Variants in ZBTB7C observed in about 807,000 individuals in gnomAD.
ZBTB7C encodes the protein zinc finger and BTB domain containing 7C, also known as zinc finger and BTB domain-containing protein 7C.
A neutral mutation model predicts 25.7 loss-of-function variants in ZBTB7C; 8 were observed. That is an observed-to-expected ratio of 0.31 (90% CI 0.18 to 0.56). ZBTB7C has a LOEUF of 0.56. ZBTB7C is among the 20% of genes least tolerant of loss of function. ZBTB7C has a pLI of 0.91. For synonymous variants in ZBTB7C, 394 were observed against 369.0 expected, an observed-to-expected ratio of 1.07 and a Z score of -0.78; for missense variants, 824 against 855.2, an observed-to-expected ratio of 0.96 and a Z score of 0.46.
At chr18:48,335,072 G>T (rs2046430639) in intron 2 of ZBTB7C, among the ~76,000 whole-genome samples, 1 of 152,336 alleles carries the variant, frequency 6.6e-6, no homozygotes. Flanking sequence ...CACAGGTCTG[G>T]ATAAAGGGGC....
At chr18:48,101,020 C>A (rs2038811420) in intron 3 of ZBTB7C, among the ~76,000 whole-genome samples, 1 of 152,138 alleles carries the variant, frequency 6.6e-6, no homozygotes, top group Non-Finnish European at 1.5e-5. Flanking sequence ...TGTCGCCACA[C>A]TACTGGGCAC....
chr18:48,265,110 T>C (rs948061771), intron 2 of ZBTB7C, among the ~76,000 whole-genome samples: 2 of 152,178 alleles, frequency 1.3e-5, no homozygotes, highest in African/African-American at 2.4e-5. Flanking sequence ...AACCCTATCC[T>C]TGATATCTAA....
At chr18:48,290,679 G>A (rs534759141) in intron 2 of ZBTB7C, among the ~76,000 whole-genome samples, 24 of 152,288 alleles carry the variant, frequency 1.6e-4, no homozygotes, top group Non-Finnish European at 2.2e-4. Flanking sequence ...GCAGGCGCCC[G>A]TCCCCTGGGC....
intron 3 of ZBTB7C, among the ~76,000 whole-genome samples, chr18:48,045,581 T>G (rs1435521114): frequency 6.6e-6 from 1 of 152,206 alleles, no homozygotes; most frequent in Non-Finnish European, 1.5e-5. Context: ...CCTTTGTTCA[T>G]GCTGAACTCT....
intron 3 of ZBTB7C, among the ~76,000 whole-genome samples, chr18:48,155,141 T>C (rs867132078): frequency 6.6e-6 from 1 of 152,096 alleles, no homozygotes; most frequent in Non-Finnish European, 1.5e-5. Flanking sequence ...ATAGGCCCCA[T>C]GTGACATGGG....
intron 3 of ZBTB7C, among the ~76,000 whole-genome samples, chr18:48,174,110 T>G (rs987926366): frequency 2.6e-5 from 4 of 152,258 alleles, no homozygotes; most frequent in Admixed American, 1.3e-4. Context: ...AAAGATTGGA[T>G]AATTTGACTA....
chr18:48,237,753 T>C (rs1029708613), intron 2 of ZBTB7C, among the ~76,000 whole-genome samples: 3 of 152,154 alleles, frequency 2.0e-5, no homozygotes, highest in Non-Finnish European at 4.4e-5. Flanking sequence ...TCTATCAACA[T>C]GTGTGCACAT....
intron 1 of ZBTB7C, among the ~76,000 whole-genome samples, chr18:48,390,289 AC>A (rs5824746): frequency 0.36 from 54,615 of 152,048 alleles, 10,737 homozygotes; most frequent in African/African-American, 0.51. Context: ...ATGGAATCAT[AC>A]CCCCAAAAGT....
chr18:48,132,957 A>C (rs1313060063), intron 3 of ZBTB7C, among the ~76,000 whole-genome samples: 1 of 152,226 alleles, frequency 6.6e-6, no homozygotes, highest in Non-Finnish European at 1.5e-5. Flanking sequence ...GTACATTTGC[A>C]TCTGGTTTGC....
intron 2 of ZBTB7C, among the ~76,000 whole-genome samples, chr18:48,295,213 G>A (rs192033880): frequency 2.2e-4 from 33 of 152,268 alleles, no homozygotes; most frequent in African/African-American, 2.9e-4. Context: ...CGGAGTCTTC[G>A]GTAGGTCCAG....
chr18:48,370,522 G>A (rs2047364104), intron 1 of ZBTB7C, among the ~76,000 whole-genome samples: 1 of 152,082 alleles, frequency 6.6e-6, no homozygotes, highest in Non-Finnish European at 1.5e-5. Flanking sequence ...CAATATCCTG[G>A]GTGTGATATT....
intron 1 of ZBTB7C, among the ~76,000 whole-genome samples, chr18:48,397,995 C>T (rs1002887650): frequency 6.6e-6 from 1 of 152,286 alleles, no homozygotes; most frequent in African/African-American, 2.4e-5. Flanking sequence ...AGGGCCAATC[C>T]ACAACTATTC....
At chr18:48,239,643 G>C (rs1011327590) in intron 2 of ZBTB7C, among the ~76,000 whole-genome samples, 2 of 152,166 alleles carry the variant, frequency 1.3e-5, no homozygotes, top group Admixed American at 6.5e-5. Context: ...CTGGCTCTCA[G>C]GAAGCCCCAT....
At chr18:48,113,612 G>T (rs2039323753) in intron 3 of ZBTB7C, among the ~76,000 whole-genome samples, 1 of 152,216 alleles carries the variant, frequency 6.6e-6, no homozygotes. Flanking sequence ...GGAAAGCCAA[G>T]AAAATCCACA....
intron 1 of ZBTB7C, among the ~76,000 whole-genome samples, chr18:48,386,495 G>A (rs1439443897): frequency 1.3e-5 from 2 of 152,222 alleles, no homozygotes; most frequent in East Asian, 3.8e-4. Context: ...TGCCATCTAA[G>A]CTGAAGAGAC....
chr18:48,275,323 C>T (rs1598754137), intron 2 of ZBTB7C, among the ~76,000 whole-genome samples: 1 of 152,186 alleles, frequency 6.6e-6, no homozygotes, highest in African/African-American at 2.4e-5. Flanking sequence ...CAGAAGCCAG[C>T]GCTGCTGCGT....
intron 3 of ZBTB7C, among the ~76,000 whole-genome samples, chr18:48,096,824 C>CT (rs1211073394): frequency 1.3e-5 from 2 of 152,198 alleles, no homozygotes; most frequent in Admixed American, 1.3e-4. Context: ...CCAGGAACTT[C>CT]TTTTTCAACA....
chr18:48,364,497 C>T (rs1424121524), intron 1 of ZBTB7C, among the ~76,000 whole-genome samples: 3 of 151,986 alleles, frequency 2.0e-5, no homozygotes, highest in Non-Finnish European at 2.9e-5. Flanking sequence ...GGCTTGTGGT[C>T]GAGAAATGTG....
At chr18:48,390,183 T>C (rs142483193) in intron 1 of ZBTB7C, among the ~76,000 whole-genome samples, 8 of 152,328 alleles carry the variant, frequency 5.3e-5, no homozygotes, top group Admixed American at 4.6e-4. Context: ...CTAGACAAAA[T>C]AGAAGATAAA....
Sources: allele counts gnomAD v4.1 joint callset (sites outside exome capture counted in the v4.1 genomes callset), GRCh38; gene constraint gnomAD v4.1.1; transcripts MANE v1.5; gene names NCBI Gene and HGNC (gene_info 2026-07-23, HGNC 2026-07-21).